The following SCN7A variants were observed in gnomAD, a reference collection of about 807,000 sequenced individuals.
The protein encoded by SCN7A is sodium channel protein type 7 subunit alpha.
A neutral mutation model predicts 155.2 loss-of-function variants in SCN7A; 138 were observed. The observed-to-expected ratio is 0.89, with a 90% CI of 0.77 to 1.02. The LOEUF (loss-of-function observed/expected upper bound fraction) is 1.02. Among genes scored for constraint, SCN7A ranks in the 50% least tolerant of loss-of-function variants. SCN7A has a pLI of 0.00. For missense variants in SCN7A, 2,058 were observed against 1,986.6 expected (o/e 1.04, Z -0.68); for synonymous variants, 693 against 649.0 (o/e 1.07, Z -1.03).
intron 19 of SCN7A, among the ~76,000 whole-genome samples, chr2:166,421,691 T>C (rs1408275740): frequency 1.3e-5 from 2 of 151,958 alleles, no homozygotes; most frequent in Non-Finnish European, 2.9e-5. Context: ...AAATAAGAAA[T>C]ATAGTTACAC....
At chr2:166,417,972 C>T (rs957230246) in intron 20 of SCN7A, among the ~76,000 whole-genome samples, 21 of 151,682 alleles carry the variant, frequency 1.4e-4, no homozygotes, top group African/African-American at 5.1e-4. Flanking sequence ...CAACTGACTT[C>T]ACTCTTTAAA....
chr2:166,413,981 G>GTGTGTATATATATATA (rs1553513525), intron 21 of SCN7A, among the ~76,000 whole-genome samples: 3 of 53,526 alleles, frequency 5.6e-5, no homozygotes, highest in African/African-American at 1.5e-4. Context: ...ATGTGTATGT[G>GTGTGTATATATATATA]TATATATATA....
At chr2:166,438,546 TATA>T (rs1392776207) in intron 15 of SCN7A, among the ~76,000 whole-genome samples, 2 of 152,172 alleles carry the variant, frequency 1.3e-5, no homozygotes, top group Non-Finnish European at 2.9e-5. Flanking sequence ...TCCTTTGACA[TATA>T]ATAATTTTTT....
intron 1 of SCN7A, among the ~76,000 whole-genome samples, chr2:166,493,433 CAAT>C (rs1559134533): frequency 1.3e-5 from 2 of 152,194 alleles, no homozygotes; most frequent in African/African-American, 4.8e-5. Context: ...ACAACAACAA[CAAT>C]CTCTGTTGAT....
intron 20 of SCN7A, among the ~76,000 whole-genome samples, chr2:166,419,651 G>C (rs560114594): frequency 1.3e-5 from 2 of 152,138 alleles, no homozygotes; most frequent in East Asian, 3.9e-4. Flanking sequence ...AGAGGTGTAA[G>C]CCACCGTGCC....
intron 21 of SCN7A, 46 bp downstream of exon 21, chr2:166,416,661 A>T: frequency 1.4e-6 from 2 of 1,477,250 alleles, no homozygotes; most frequent in Non-Finnish European, 1.8e-6. Context: ...AACCTACAAT[A>T]TGGATGAATA....
chr2:166,456,774 C>A lies in SCN7A; in HGVS notation c.1290+96G>T. 4 of 564,540 alleles carry A rather than the reference C, an allele frequency of 7.1e-6. No homozygotes were observed. In the South Asian group the frequency reaches 1.6e-4, roughly 23 times the overall value. The allele number at this position is 564,540 out of a possible 1,614,324, so 35.0% of individuals were successfully genotyped here. A position where few individuals can be genotyped will look rare whatever the true frequency, so the allele number is the denominator to read the frequency against. ...AGAGCCTAAGCCATAGAATCATGAGCAAATAAATGATTGCTGTTTCAAGAC... is the reference window on the plus strand; with the variant it reads ...AGAGCCTAAGCCATAGAATCATGAGAAAATAAATGATTGCTGTTTCAAGAC... On this transcript the variant is annotated intron_variant, in intron 11 of 25. Coordinates refer to ENST00000643258, the MANE Select transcript of SCN7A (RefSeq NM_002976.4).
At chr2:166,414,462 G>GATATATATATATATATATATATATAT (rs373659814) in intron 21 of SCN7A, 5 of 118,164 alleles carry the variant, frequency 4.2e-5, no homozygotes, top group African/African-American at 1.6e-4. Flanking sequence ...GAACTAATAG[G>GATATATATATATATATATATATATAT]ATATATATAT....
chr2:166,423,673 G>A (rs1225032128), intron 18 of SCN7A, among the ~76,000 whole-genome samples: 1 of 151,912 alleles, frequency 6.6e-6, no homozygotes, highest in Non-Finnish European at 1.5e-5. Flanking sequence ...TCTTATATAG[G>A]CTGAACCTGG....
chr2:166,471,537 T>C (rs983808857), intron 6 of SCN7A, among the ~76,000 whole-genome samples: 3 of 152,012 alleles, frequency 2.0e-5, no homozygotes, highest in East Asian at 1.9e-4. Context: ...GACATCTTTA[T>C]GCTGTTTATA....
chr2:166,492,128 GA>G (rs1446878197), intron 1 of SCN7A, among the ~76,000 whole-genome samples: 15 of 152,226 alleles, frequency 9.9e-5, no homozygotes, highest in African/African-American at 3.6e-4. Context: ...AGGCTACGGA[GA>G]CAGAATGCCC....
At chr2:166,455,295 A>G (rs1377841650) in intron 11 of SCN7A, among the ~76,000 whole-genome samples, 2 of 152,268 alleles carry the variant, frequency 1.3e-5, no homozygotes, top group East Asian at 3.9e-4. Context: ...ATAAACATCT[A>G]TTAGAAGGCA....
chr2:166,491,138 A>G (rs1683092199), intron 1 of SCN7A, among the ~76,000 whole-genome samples: 1 of 152,152 alleles, frequency 6.6e-6, no homozygotes, highest in Non-Finnish European at 1.5e-5. Context: ...ACTCAGCACA[A>G]TATATTCACC....
chr2:166,409,798 G>T lies in SCN7A; in HGVS notation c.3849C>A (p.Leu1283=). 6.4e-7 allele frequency: 1 copy of T among 1,572,682 alleles called. No individual in the cohort carries two copies. The highest frequency in any genetic ancestry group is 8.6e-7 in the Non-Finnish European group (1 of 1,156,670). Residue 1283 remains leucine (L), a synonymous_variant, in exon 25 of 26, where the codon CTC becomes CTA. Coordinates refer to ENST00000643258, the MANE Select transcript of SCN7A (RefSeq NM_002976.4). ...DVQSLQMSIA[L]YWINSIFVML... ...TAACAAAAATTGAGTTAATCCAGTA[G>T]AGAGCAATGGACATTTGTAGACTCT...
At chr2:166,472,158 C>G (rs1441362636) in intron 6 of SCN7A, among the ~76,000 whole-genome samples, 159 bp downstream of exon 6, 1 of 151,578 alleles carries the variant, frequency 6.6e-6, no homozygotes, top group African/African-American at 2.4e-5. Flanking sequence ...AGGACTAGGT[C>G]AGAGGCAGCT....
At chr2:166,448,413 C>G (rs187342733) in intron 11 of SCN7A, among the ~76,000 whole-genome samples, 150 of 152,206 alleles carry the variant, frequency 9.9e-4, no homozygotes, top group African/African-American at 3.2e-3. Flanking sequence ...CTGTAATAAA[C>G]ATGGGAGTAC....
At chr2:166,434,656 C>A (rs1375770575) in intron 15 of SCN7A, among the ~76,000 whole-genome samples, 5 of 152,146 alleles carry the variant, frequency 3.3e-5, no homozygotes, top group Non-Finnish European at 7.4e-5. Flanking sequence ...ACACTATTAG[C>A]AACTCTATGA....
chr2:166,480,353 G>C (rs1702893685), intron 2 of SCN7A, among the ~76,000 whole-genome samples: 1 of 151,918 alleles, frequency 6.6e-6, no homozygotes, highest in Non-Finnish European at 1.5e-5. Flanking sequence ...AGCTACTCGA[G>C]AGGCTGAGGC....
chr2:166,411,188 C>T (rs762884926), intron 23 of SCN7A, among the ~76,000 whole-genome samples: 1 of 152,010 alleles, frequency 6.6e-6, no homozygotes, highest in African/African-American at 2.4e-5. Context: ...TGGTCAACCA[C>T]AGTTGGAAAT....
Sources: gnomAD v4.1 joint callset for allele counts (sites outside exome capture counted in the v4.1 genomes callset) on GRCh38, gnomAD v4.1.1 for gene constraint, MANE v1.5 for transcripts, NCBI Gene and HGNC (gene_info 2026-07-23, HGNC 2026-07-21) for gene names.